Variants in GPR107 observed in about 807,000 individuals in gnomAD.
GPR107 encodes the protein G protein-coupled receptor 107, also known as protein GPR107.
GPR107 carries 31 observed loss-of-function variants against 75.5 expected under a neutral mutation model. The observed-to-expected ratio is 0.41, with a 90% CI of 0.31 to 0.55. The LOEUF (loss-of-function observed/expected upper bound fraction) is 0.55, where lower values mean the gene tolerates loss of function less well. Among genes scored for constraint, GPR107 ranks in the 20% least tolerant of loss-of-function variants. The pLI is 0.26. For missense variants in GPR107, 572 were observed against 665.7 expected (o/e 0.86, Z 1.55); for synonymous variants, 267 against 251.3 (o/e 1.06, Z -0.59).
chr9:130,138,465 C>G lies in GPR107; in HGVS notation c.*3344C>G, dbSNP rs1832015662. 7.1e-6 allele frequency: 1 copy of G among 141,270 alleles called. No homozygotes were observed. The highest frequency in any genetic ancestry group is 1.5e-5 in the Non-Finnish European group (1 of 64,664). 8.8% of individuals were successfully genotyped at this position (141,270 alleles called of 1,614,324 possible). On this transcript the variant is annotated 3_prime_UTR_variant, in exon 18 of 18. Transcript: ENST00000347136. ...CCCCCTTCCCCATCCCCTCCCCCTC[C>G]TCCTCTGCCCTCGCCCTTACCCCTC...
At chr9:130,096,478 T>TC (rs1830873068) in intron 9 of GPR107, among the ~76,000 whole-genome samples, 2 of 149,292 alleles carry the variant, frequency 1.3e-5, no homozygotes, top group African/African-American at 4.9e-5. Context: ...CTTTTTTTTT[T>TC]TTTTTTTTGA....
chr9:130,090,779 C>T (rs1479425632), intron 7 of GPR107, 97 bp from the exon 8 acceptor site: 1 of 523,752 alleles, frequency 1.9e-6, no homozygotes, highest in Non-Finnish European at 3.4e-6. Context: ...AGAATTTGAA[C>T]AAAAAAGTAA....
intron 17 of GPR107, among the ~76,000 whole-genome samples, chr9:130,131,777 C>T (rs1831833238): frequency 6.6e-6 from 1 of 152,146 alleles, no homozygotes; most frequent in Non-Finnish European, 1.5e-5. Flanking sequence ...TCCTGTAGGC[C>T]TTACTTTGTG....
chr9:130,075,784 CTTTTT>C, intron 2 of GPR107, 35 bp downstream of exon 2: 45 of 674,470 alleles, frequency 6.7e-5, no homozygotes, highest in Middle Eastern at 3.7e-4. Context: ...GGGGTTTACT[CTTTTT>C]TTTTTTTTTT....
At chr9:130,061,506 A>G (rs1229837225) in intron 1 of GPR107, among the ~76,000 whole-genome samples, 1 of 152,124 alleles carries the variant, frequency 6.6e-6, no homozygotes, top group Non-Finnish European at 1.5e-5. Flanking sequence ...AGAGTGATCT[A>G]GGGGAGAGGT....
intron 15 of GPR107, among the ~76,000 whole-genome samples, chr9:130,127,014 A>G (rs944755762): frequency 2.6e-5 from 4 of 152,206 alleles, no homozygotes; most frequent in Non-Finnish European, 4.4e-5. Flanking sequence ...ACTTGGTAGT[A>G]TTTGTACTTC....
rs1007892689 is a variant in GPR107 at position 130,131,766 on chromosome 9, G to A, written c.1562+3005G>A. Reference sequence around the variant, plus strand: ...CCCTCTTCCTCAGCCCGTGCAGAGCGTCCTGTAGGCCTTACTTTGTGCCTC... The same window carrying A: ...CCCTCTTCCTCAGCCCGTGCAGAGCATCCTGTAGGCCTTACTTTGTGCCTC... On this transcript the variant is annotated intron_variant, in intron 17 of 17. Transcript: ENST00000347136. Among the ~76,000 whole-genome samples the A allele has an allele frequency of 3.3e-5, 5 of 152,100 alleles. No homozygotes were observed. The South Asian group carries it at 6.2e-4, about 19-fold the overall frequency.
intron 1 of GPR107, among the ~76,000 whole-genome samples, chr9:130,056,587 T>C (rs1188824385): frequency 6.6e-6 from 1 of 152,110 alleles, no homozygotes; most frequent in Non-Finnish European, 1.5e-5. Context: ...CCATAGCTGA[T>C]AAGCTTTAAA....
At chr9:130,099,814 G>GT (rs371161668) in intron 10 of GPR107, among the ~76,000 whole-genome samples, 4,858 of 120,890 alleles carry the variant, frequency 0.04, 300 homozygotes, top group African/African-American at 0.14. Flanking sequence ...GGTTTGTTTT[G>GT]TTTTTTTACC....
chr9:130,092,363 A>G lies in GPR107; in HGVS notation c.845A>G (p.His282Arg), dbSNP rs753271794. 1.9e-6 allele frequency: 3 copies of G among 1,612,226 alleles called. No homozygotes were observed. In the Admixed American group the frequency reaches 5.0e-5, roughly 27 times the overall value. The change falls in exon 9 of 18, where the codon CAT becomes CGT. Residue 282 changes from histidine (H) to arginine (R), a missense_variant. Coordinates refer to ENST00000347136, the MANE Select transcript of GPR107 (RefSeq NM_020960.5). ...TTTCTTTCTGGGACCATCTGGATTC[A>G]TATCCTTCGAAAACGACGGTAAACT... The part of the protein sequence containing the change: ...FFFLSGTIWI[H>R]ILRKRRNDVF...
intron 14 of GPR107, among the ~76,000 whole-genome samples, chr9:130,114,029 C>CTTTTTTTTTTTTTTTTTT (rs60616601): frequency 5.5e-5 from 5 of 90,662 alleles, no homozygotes; most frequent in South Asian, 4.3e-4. Flanking sequence ...TCTTCTCATT[C>CTTTTTTTTTTTTTTTTTT]TTTTTTTTTT....
rs368890619 is a variant in GPR107, at chr9:130,076,058, G to C, written c.255+309G>C. Among the ~76,000 whole-genome samples, 19 of 152,298 alleles carry C rather than the reference G, an allele frequency of 1.2e-4. No individual in the cohort carries two copies. In the East Asian group the frequency reaches 3.3e-3, roughly 26 times the overall value. Reference sequence around the variant, plus strand: ...GCCTCCCAAAGTGCTGGGATTACAGGTGTGAGCCACTGCGCCCAGCCCAGG... The same window carrying C: ...GCCTCCCAAAGTGCTGGGATTACAGCTGTGAGCCACTGCGCCCAGCCCAGG... On this transcript the variant is annotated intron_variant, in intron 2 of 17. Transcript: ENST00000347136.
At position 130,107,477 on chromosome 9, in the gene GPR107, T is replaced by G; in HGVS notation, c.1263-19T>G. ...AGATTTGTCAGCTAACTTTTTGTTC[T>G]CTAAATGTTTATTTTTAGGTCAATC... On this transcript the variant is annotated intron_variant, in intron 13 of 17. Coordinates refer to ENST00000347136, the MANE Select transcript of GPR107 (RefSeq NM_020960.5). 1 of 1,526,952 alleles carries G rather than the reference T, an allele frequency of 6.5e-7. No homozygotes were observed. Among genetic ancestry groups the G allele is most frequent in the East Asian group, 2.2e-5 (1 of 44,506 alleles). The allele number at this position is 1,526,952 out of a possible 1,614,324, so 94.6% of individuals were successfully genotyped here. A position where few individuals can be genotyped will look rare whatever the true frequency, so the allele number is the denominator to read the frequency against.
chr9:130,128,577 C>G lies in GPR107; in HGVS notation c.1441-63C>G, dbSNP rs182013432. ...GGAAATATGTCAGTTTGTTGAATTCCACTGCTTTCTGAAGAACAGTGTTGC... is the reference window on the plus strand; with the variant it reads ...GGAAATATGTCAGTTTGTTGAATTCGACTGCTTTCTGAAGAACAGTGTTGC... On this transcript the variant is annotated intron_variant, in intron 16 of 17. Transcript: ENST00000347136. 16 of 1,399,906 alleles carry G rather than the reference C, an allele frequency of 1.1e-5. 1 individual carries two copies. The East Asian group carries it at 3.7e-4, about 32-fold the overall frequency. The allele number at this position is 1,399,906 out of a possible 1,614,324, so 86.7% of individuals were successfully genotyped here. A position where few individuals can be genotyped will look rare whatever the true frequency, so the allele number is the denominator to read the frequency against.
At position 130,124,791 on chromosome 9, in the gene GPR107, G is replaced by T. The variant is rs143666594; in HGVS notation, c.1307-124G>T. On this transcript the variant is annotated intron_variant, in intron 14 of 17. Transcript: ENST00000347136. ...CGGACTTGATTCCAGATAGATGGAT[G>T]TGCCTCTGAGTGGTCCTCATCTGCA... 605 of 622,640 alleles carry T rather than the reference G, an allele frequency of 9.7e-4. 6 individuals carry two copies. The East Asian group carries it at 0.017, about 18-fold the overall frequency. 38.6% of individuals were successfully genotyped at this position (622,640 alleles called of 1,614,324 possible). A position where few individuals can be genotyped will look rare whatever the true frequency, so the allele number is the denominator to read the frequency against.
intron 17 of GPR107, among the ~76,000 whole-genome samples, chr9:130,134,177 A>G (rs1393952790): frequency 6.6e-6 from 1 of 152,178 alleles, no homozygotes; most frequent in African/African-American, 2.4e-5. Context: ...GACACCCAGT[A>G]TCTCTGCCTA....
intron 1 of GPR107, among the ~76,000 whole-genome samples, chr9:130,062,725 TA>T (rs1187586063): frequency 6.6e-6 from 1 of 151,000 alleles, no homozygotes; most frequent in African/African-American, 2.4e-5. Context: ...ATCCGTCTTT[TA>T]TTTTTTTTTA....
chr9:130,121,688 G>A (rs1045236747), intron 14 of GPR107, among the ~76,000 whole-genome samples: 1 of 152,174 alleles, frequency 6.6e-6, no homozygotes, highest in African/African-American at 2.4e-5. Flanking sequence ...CTGTGTTCAG[G>A]CCCTTTGGGA....
chr9:130,135,158 C>T lies in GPR107; in HGVS notation c.*37C>T. ...CTGAGGATGGCACTGTCCAAGGAAA[C>T]TGTTAACTTATTCATAGTCCTATTG... On this transcript the variant is annotated 3_prime_UTR_variant, in exon 18 of 18. Transcript: ENST00000347136. 1 of 1,153,718 alleles carries T rather than the reference C, an allele frequency of 8.7e-7. No homozygotes were observed. The highest frequency in any genetic ancestry group is 1.3e-6 in the Non-Finnish European group (1 of 788,284). 71.5% of individuals were successfully genotyped at this position (1,153,718 alleles called of 1,614,324 possible). A position where few individuals can be genotyped will look rare whatever the true frequency, so the allele number is the denominator to read the frequency against.
Sources: allele counts gnomAD v4.1 joint callset (sites outside exome capture counted in the v4.1 genomes callset), GRCh38; gene constraint gnomAD v4.1.1; transcripts MANE v1.5; gene names NCBI Gene and HGNC (gene_info 2026-07-23, HGNC 2026-07-21).